NUP155: variants seen among roughly 807,000 people sequenced by gnomAD.
The protein encoded by NUP155 is nuclear pore complex protein Nup155.
NUP155 carries 71 observed loss-of-function variants against 180.4 expected under a neutral mutation model. The ratio of observed to expected loss-of-function variants is 0.39; its 90% CI spans 0.33 to 0.48. The LOEUF is 0.48. Among genes scored for constraint, NUP155 ranks in the 20% least tolerant of loss-of-function variants. The pLI is 0.91. For missense variants in NUP155, 1,553 were observed against 1,648.9 expected (o/e 0.94, Z 1.01); for synonymous variants, 582 against 559.5 (o/e 1.04, Z -0.57).
intron 22 of NUP155, 22 bp downstream of exon 22, chr5:37,314,176 A>T: frequency 6.4e-7 from 1 of 1,553,148 alleles, no homozygotes; most frequent in Non-Finnish European, 8.9e-7. Flanking sequence ...TGGTATAATC[A>T]TAAAAAAATA....
At chr5:37,353,168 T>C (rs754343536) in intron 4 of NUP155, among the ~76,000 whole-genome samples, 19 of 152,136 alleles carry the variant, frequency 1.2e-4, no homozygotes, top group Non-Finnish European at 2.5e-4. Flanking sequence ...TGTATACCCA[T>C]GTTCATAGCA....
chr5:37,352,004 C>A (rs1231278454), intron 5 of NUP155, among the ~76,000 whole-genome samples: 1 of 151,864 alleles, frequency 6.6e-6, no homozygotes, highest in Non-Finnish European at 1.5e-5. Context: ...GGGCAGATCA[C>A]CTGAGGTCGG....
chr5:37,299,980 T>C (rs1373085874), intron 30 of NUP155, among the ~76,000 whole-genome samples: 4 of 150,982 alleles, frequency 2.6e-5, no homozygotes, highest in East Asian at 1.9e-4. Flanking sequence ...GATCACGCCA[T>C]TGCACTCTAG....
At chr5:37,324,153 G>T in intron 19 of NUP155, 46 bp from the exon 20 acceptor site, 1 of 1,108,686 alleles carries the variant, frequency 9.0e-7, no homozygotes, top group Non-Finnish European at 1.4e-6. Context: ...CACACCCTCT[G>T]TATAGCTATA....
At chr5:37,318,535 T>G (rs997316561) in intron 20 of NUP155, among the ~76,000 whole-genome samples, 9 of 151,798 alleles carry the variant, frequency 5.9e-5, no homozygotes, top group Non-Finnish European at 1.3e-4. Context: ...GTTTTGCACA[T>G]CAGCATGATG....
chr5:37,359,326 G>T (rs1747050685), intron 3 of NUP155, among the ~76,000 whole-genome samples: 1 of 151,970 alleles, frequency 6.6e-6, no homozygotes, highest in Non-Finnish European at 1.5e-5. Context: ...AGAAAATGCT[G>T]CTCCCCATTC....
In NUP155 at chr5:37,304,747, G is replaced by A. The variant is rs764736632; in HGVS notation, c.3154C>T (p.Leu1052=). 6.2e-7 allele frequency: 1 copy of A among 1,603,450 alleles called. No individual in the cohort carries two copies. The highest frequency in any genetic ancestry group is 2.2e-5 in the East Asian group (1 of 44,822). Reference sequence around the variant, plus strand: ...AATAAAAAAAGATTTACCTGTAGCAGCTTATCTGCAAGGTCGACTTGTATT... The same window carrying A: ...AATAAAAAAAGATTTACCTGTAGCAACTTATCTGCAAGGTCGACTTGTATT... ...WLIQVDLADK[L]LQVASPFLEP... is the part of the protein sequence containing the mutation. Residue 1052 remains leucine, a synonymous_variant, in exon 27 of 35, where the codon CTG becomes TTG. Transcript: ENST00000231498.
chr5:37,340,120 A>G (rs578228003), intron 11 of NUP155, among the ~76,000 whole-genome samples: 1 of 152,272 alleles, frequency 6.6e-6, no homozygotes, highest in East Asian at 1.9e-4. Context: ...AAAATTCAAG[A>G]AACTGAGAAG....
chr5:37,312,496 T>C (rs1390772457), intron 22 of NUP155, among the ~76,000 whole-genome samples: 2 of 151,996 alleles, frequency 1.3e-5, no homozygotes, highest in Non-Finnish European at 2.9e-5. Context: ...CTGAAACAGA[T>C]GAAAGAGAAA....
At position 37,291,145 on chromosome 5, in the gene NUP155, CA is replaced by C. The variant is rs1742214160; in HGVS notation, c.*754del. The C allele has an allele frequency of 6.6e-6, 1 of 152,152 alleles. No individual in the cohort carries two copies. Among genetic ancestry groups the C allele is most frequent in the Admixed American group, 6.6e-5 (1 of 15,258 alleles). The allele number at this position is 152,152 out of a possible 1,614,324, so 9.4% of individuals were successfully genotyped here. On this transcript the variant is annotated 3_prime_UTR_variant, in exon 35 of 35. Coordinates refer to ENST00000231498, the MANE Select transcript of NUP155 (RefSeq NM_153485.3). ...AGGACAGTTCTTTCAAGGGTGAACC[CA>C]ACACCTAAAAAAAGTTTTGAAAAAG...
At chr5:37,326,273 G>A (rs1744594306) in intron 18 of NUP155, among the ~76,000 whole-genome samples, 1 of 152,178 alleles carries the variant, frequency 6.6e-6, no homozygotes, top group African/African-American at 2.4e-5. Context: ...TGAGATGAAT[G>A]AAATCATACA....
Position 37,291,640 on chromosome 5 carries a change from T to C in NUP155, c.*260A>G, listed in dbSNP as rs780786907. 5.9e-6 allele frequency: 2 copies of C among 338,768 alleles called. No individual in the cohort carries two copies. The highest frequency in any genetic ancestry group is 2.2e-5 in the African/African-American group (1 of 45,518). 21.0% of individuals were successfully genotyped at this position (338,768 alleles called of 1,614,324 possible). ...CTGCAGTACAATTCAAAATAAGAGT[T>C]TCTAAATTTTTTTAATCCTTATGTT... On this transcript the variant is annotated 3_prime_UTR_variant, in exon 35 of 35. Coordinates refer to ENST00000231498, the MANE Select transcript of NUP155 (RefSeq NM_153485.3).
In NUP155 at chr5:37,314,198, C is replaced by T. The variant is rs1176891189; in HGVS notation, c.2436G>A (p.Lys812=). ...QFTIIVAELQ[K]ELQEQLKITT... ...ATCATAAAAAAATAAAAAAAATTAC[C>T]TTCTGAAGTTCTGCCACAATGATAG... Residue 812 remains lysine (K), a splice_region_variant and synonymous_variant, in exon 22 of 35, where the codon AAG becomes AAA. Coordinates refer to ENST00000231498, the MANE Select transcript of NUP155 (RefSeq NM_153485.3). 3 of 1,602,020 alleles carry T rather than the reference C, an allele frequency of 1.9e-6. No homozygotes were observed. Among genetic ancestry groups the T allele is most frequent in the South Asian group, 1.1e-5 (1 of 89,966 alleles).
Position 37,292,962 on chromosome 5 carries a change from C to T in NUP155, c.3954G>A (p.Lys1318=). The change falls in exon 34 of 35, where the codon AAG becomes AAA. Residue 1318 remains lysine (K), a synonymous_variant. Coordinates refer to ENST00000231498, the MANE Select transcript of NUP155 (RefSeq NM_153485.3). ...TACAATCCAAAAGGTGCAGTGGCTTCTTCATTCTGTTCCAGAATGGATCCT... is the reference window on the plus strand; with the variant it reads ...TACAATCCAAAAGGTGCAGTGGCTTTTTCATTCTGTTCCAGAATGGATCCT... ...KSRDPFWNRM[K]KPLHLLDCIH... is the part of the protein sequence containing the mutation. 1 of 1,610,682 alleles carries T rather than the reference C, an allele frequency of 6.2e-7. No homozygotes were observed. Among genetic ancestry groups the T allele is most frequent in the Non-Finnish European group, 8.5e-7 (1 of 1,177,224 alleles).
chr5:37,295,167 C>T (rs1199313036), intron 32 of NUP155, among the ~76,000 whole-genome samples: 1 of 152,186 alleles, frequency 6.6e-6, no homozygotes, highest in Non-Finnish European at 1.5e-5. Context: ...CTGCCTCAGC[C>T]TGCCGAGTGC....
chr5:37,354,221 A>G (rs941163241), intron 4 of NUP155, among the ~76,000 whole-genome samples: 16 of 151,852 alleles, frequency 1.1e-4, no homozygotes, highest in Non-Finnish European at 1.9e-4. Context: ...ATCTCGGCTC[A>G]CTATAACCTC....
intron 28 of NUP155, 118 bp from the exon 29 acceptor site, chr5:37,303,026 GA>G (rs1026133452): frequency 1.1e-5 from 13 of 1,205,488 alleles, no homozygotes; most frequent in South Asian, 6.7e-5. Flanking sequence ...TCTGAAACTT[GA>G]AAAAAAATCA....
In NUP155 at chr5:37,300,025, C is replaced by CAA. The variant is rs34593365; in HGVS notation, c.3562-459_3562-458dup. Among the ~76,000 whole-genome samples the CAA allele has an allele frequency of 6.8e-5, 6 of 87,938 alleles. No homozygotes were observed. The East Asian group carries it at 9.5e-4, about 14-fold the overall frequency. The allele number at this position is 87,938 out of a possible 152,430, so 57.7% of individuals were successfully genotyped here. On this transcript the variant is annotated intron_variant, in intron 30 of 34. Transcript: ENST00000231498. ...AGAGAAAGACTCTGTCTCCCCCCGC[C>CAA]AAAAAAAAAAAAAAAGGGTAAGGGT...
intron 32 of NUP155, among the ~76,000 whole-genome samples, chr5:37,296,557 A>AAG (rs59914781): frequency 0.15 from 22,193 of 148,398 alleles, 1,742 homozygotes; most frequent in South Asian, 0.18. Context: ...TGCGGAAGGC[A>AAG]GCCGCAGGGT....
Sources: allele counts gnomAD v4.1 joint callset (sites outside exome capture counted in the v4.1 genomes callset), GRCh38; gene constraint gnomAD v4.1.1; transcripts MANE v1.5; gene names NCBI Gene and HGNC (gene_info 2026-07-23, HGNC 2026-07-21).